TMEM59L: variants seen among roughly 807,000 people sequenced by gnomAD.
TMEM59L encodes transmembrane protein 59 like.
In TMEM59L, 31 loss-of-function variants were observed where a neutral mutation model predicts 39.6. The observed-to-expected ratio is 0.78, with a 90% CI of 0.59 to 1.06. The LOEUF (loss-of-function observed/expected upper bound fraction) is 1.06, where lower values mean the gene tolerates loss of function less well. Ranked by LOEUF, TMEM59L falls within the 50% of genes least tolerant of loss-of-function variation. The pLI is 0.00. For synonymous variants in TMEM59L, 219 were observed against 202.9 expected (o/e 1.08, Z -0.68); for missense variants, 441 against 451.3 (o/e 0.98, Z 0.21).
At chr19:18,614,251 C>T in intron 3 of TMEM59L, 56 bp downstream of exon 3, 2 of 1,519,472 alleles carry the variant, frequency 1.3e-6, no homozygotes, top group South Asian at 1.2e-5. Context: ...ACCCTCTTCA[C>T]CCCGTGGGAA....
rs1555763013 is a variant in TMEM59L at position 18,616,387 on chromosome 19, T to TTGTTG, written c.561+261_561+262insGTTGT. On this transcript the variant is annotated intron_variant, in intron 4 of 7. Transcript: ENST00000262817. The stretch of plus-strand genomic sequence containing the variant: ...TAGGTTACAAACGCTGTGGTTTTTT[T>TTGTTG]TTGTTGTTGTTGTTGTTGTTTTGAG... Among the ~76,000 whole-genome samples the TTGTTG allele has an allele frequency of 4.3e-3, 657 of 151,486 alleles. 3 individuals are homozygous for TTGTTG. Among genetic ancestry groups the TTGTTG allele is most frequent in the African/African-American group, 0.015 (607 of 41,266 alleles).
At chr19:18,613,555 C>T (rs1424559131) in intron 1 of TMEM59L, among the ~76,000 whole-genome samples, 1 of 152,010 alleles carries the variant, frequency 6.6e-6, no homozygotes, top group African/African-American at 2.4e-5. Context: ...AAAACCCCCT[C>T]CTCTGAGCCT....
At chr19:18,613,678 G>T (rs1214695304) in intron 1 of TMEM59L, among the ~76,000 whole-genome samples, 194 bp from the exon 2 acceptor site, 1 of 151,940 alleles carries the variant, frequency 6.6e-6, no homozygotes, top group Non-Finnish European at 1.5e-5. Context: ...CTCTTCTCAA[G>T]CTCCCTCCCC....
chr19:18,618,693 T>TA (rs1976461128), intron 7 of TMEM59L, among the ~76,000 whole-genome samples: 1 of 113,014 alleles, frequency 8.8e-6, no homozygotes. Flanking sequence ...ATATATAATA[T>TA]ATATATATAT....
At chr19:18,613,793 C>G in intron 1 of TMEM59L, 79 bp from the exon 2 acceptor site, 1 of 1,196,446 alleles carries the variant, frequency 8.4e-7, no homozygotes. Context: ...CTTTCCCTGC[C>G]TCTGCTGAAT....
chr19:18,617,697 C>T (rs1297324202), intron 5 of TMEM59L: 2 of 446,508 alleles, frequency 4.5e-6, no homozygotes, highest in Admixed American at 2.4e-5. Context: ...GGCCCATCCC[C>T]CAGGGTTCTG....
Position 18,613,887 on chromosome 19 carries a change from G to A in TMEM59L, c.187G>A (p.Ala63Thr). The change falls in exon 2 of 8, where the codon GCC becomes ACC. Residue 63 changes from alanine (A) to threonine (T), a missense_variant. By Grantham distance (58) the Ala-to-Thr change is moderately conservative. Transcript: ENST00000262817. Reference sequence around the variant, plus strand: ...CCTCCCCCAGGCGGGGCTGGAGGGCGCCTCCGAGTCTCCCTATGACAGAGC... The same window carrying A: ...CCTCCCCCAGGCGGGGCTGGAGGGCACCTCCGAGTCTCCCTATGACAGAGC... ...PQPSQAGLEGASESPYDRAVL... is the reference protein window; with the variant it reads ...PQPSQAGLEGTSESPYDRAVL... 6.2e-7 allele frequency: 1 copy of A among 1,611,594 alleles called. No homozygotes were observed. Among genetic ancestry groups the A allele is most frequent in the East Asian group, 2.2e-5 (1 of 44,842 alleles).
rs1243407265 is a variant in TMEM59L at position 18,614,151 on chromosome 19, C to T, written c.364C>T (p.His122Tyr). The T allele has an allele frequency of 6.2e-7, 1 of 1,609,708 alleles. No homozygotes were observed. Among genetic ancestry groups the T allele is most frequent in the Admixed American group, 1.7e-5 (1 of 59,632 alleles). Residue 122 changes from histidine (H) to tyrosine (Y), a missense_variant, in exon 3 of 8, where the codon CAC (histidine) becomes TAC (tyrosine). Physicochemically the swap from His to Tyr is moderately conservative, Grantham distance 83 (BLOSUM62 2). Coordinates refer to ENST00000262817, the MANE Select transcript of TMEM59L (RefSeq NM_012109.3). ...VKEAEQQACSHGCWSQPAEPE... is the reference protein window; with the variant it reads ...VKEAEQQACSYGCWSQPAEPE... ...GGAGGCAGAGCAGCAGGCCTGTAGC[C>T]ACGGCTGCTGGAGCCAGCCCGCGGA...
rs1262400877 is a variant in TMEM59L, at chr19:18,617,030, C to T, written c.592C>T (p.Gln198Ter). 2 of 1,612,684 alleles carry T rather than the reference C, an allele frequency of 1.2e-6. No individual in the cohort carries two copies. The highest frequency in any genetic ancestry group is 2.2e-5 in the East Asian group (1 of 44,878). The change falls in exon 5 of 8, where the codon CAG (glutamine) becomes TAG (stop). Residue 198 changes from glutamine (Q) to a stop codon, truncating the protein, a stop_gained. Transcript: ENST00000262817. LOFTEE classifies it high-confidence loss of function. ...TQPIVESLGF[Q>*]GGRLQRVEVT... ...GCCCATAGTGGAGAGCCTCGGCTTC[C>T]AGGGGGGCCGTCTGCAGCGCGTGGA...
At chr19:18,615,267 G>A (rs1976415499) in intron 3 of TMEM59L, among the ~76,000 whole-genome samples, 1 of 152,202 alleles carries the variant, frequency 6.6e-6, no homozygotes, top group African/African-American at 2.4e-5. Flanking sequence ...ACAGGCATGA[G>A]CCACCATGGC....
At chr19:18,615,667 G>A (rs1468042247) in intron 3 of TMEM59L, among the ~76,000 whole-genome samples, 4 of 152,182 alleles carry the variant, frequency 2.6e-5, no homozygotes, top group African/African-American at 9.7e-5. Context: ...GAGTTCAGTG[G>A]TGTGATCTTG....
chr19:18,618,451 TC>T lies in TMEM59L; in HGVS notation c.861del (p.Thr288ProfsTer3), dbSNP rs753841920. ...GCTGGTGATGCTGTGGCTGAGCTGC[TC>T]CACCCTGGTGACCGCGCCTGGCCAG... ...SVLVMLWLSC[S>X]TLVTAPGQHL... On this transcript the variant is annotated frameshift_variant, in exon 7 of 8. Transcript: ENST00000262817. LOFTEE classifies it high-confidence loss of function. 3.1e-6 allele frequency: 5 copies of T among 1,607,618 alleles called. No homozygotes were observed. Among genetic ancestry groups the T allele is most frequent in the Non-Finnish European group, 4.2e-6 (5 of 1,178,920 alleles).
intron 7 of TMEM59L, among the ~76,000 whole-genome samples, 179 bp downstream of exon 7, chr19:18,618,671 G>A (rs548694950): frequency 0.021 from 851 of 39,922 alleles, 5 homozygotes; most frequent in African/African-American, 0.052. Context: ...GTGTGTGTGT[G>A]TGTATATATA....
chr19:18,614,812 G>A (rs1976410721), intron 3 of TMEM59L, among the ~76,000 whole-genome samples: 1 of 152,208 alleles, frequency 6.6e-6, no homozygotes, highest in African/African-American at 2.4e-5. Flanking sequence ...TGCATCATGG[G>A]GAAACTGAGG....
Position 18,613,974 on chromosome 19 carries a change from A to G in TMEM59L, c.274A>G (p.Arg92Gly), listed in dbSNP as rs988473039. The G allele has an allele frequency of 3.1e-6, 5 of 1,613,402 alleles. No individual in the cohort carries two copies. Among genetic ancestry groups the G allele is most frequent in the Non-Finnish European group, 4.2e-6 (5 of 1,180,026 alleles). Residue 92 changes from arginine (R) to glycine (G), a missense_variant, in exon 2 of 8, where the codon AGA (arginine) becomes GGA (glycine). By Grantham distance (125) the Arg-to-Gly change is moderately radical. Transcript: ENST00000262817. The part of the protein sequence containing the change: ...RLFSICRFVA[R>G]SSKPNATQTE... Reference sequence around the variant, plus strand: ...CTTCTCCATCTGCCGATTTGTGGCCAGAAGCTCCAAGCCCAATGCCACCCA... The same window carrying G: ...CTTCTCCATCTGCCGATTTGTGGCCGGAAGCTCCAAGCCCAATGCCACCCA...
Position 18,620,851 on chromosome 19 carries a change from T to G in TMEM59L, c.*315T>G. On this transcript the variant is annotated 3_prime_UTR_variant, in exon 8 of 8. Transcript: ENST00000262817. ...TGTCACCTTCCTTTTTCCTTCTATG[T>G]CCCCTCTCTGCGGGGGGGGCGCTGA... 7.7e-6 allele frequency: 1 copy of G among 129,546 alleles called. No individual in the cohort carries two copies. Among genetic ancestry groups the G allele is most frequent in the African/African-American group, 7.2e-5 (1 of 13,934 alleles). The allele number at this position is 129,546 out of a possible 1,614,324, so 8.0% of individuals were successfully genotyped here. A position where few individuals can be genotyped will look rare whatever the true frequency, so the allele number is the denominator to read the frequency against.
intron 3 of TMEM59L, among the ~76,000 whole-genome samples, chr19:18,615,666 G>C (rs61298336): frequency 0.17 from 25,604 of 152,198 alleles, 2,414 homozygotes; most frequent in Non-Finnish European, 0.21. Context: ...AGAGTTCAGT[G>C]GTGTGATCTT....
chr19:18,619,250 A>T (rs958487112), intron 7 of TMEM59L, among the ~76,000 whole-genome samples: 1 of 152,258 alleles, frequency 6.6e-6, no homozygotes, highest in African/African-American at 2.4e-5. Context: ...GCCCTCCCAG[A>T]ATACCGGGAT....
chr19:18,620,654 T>G lies in TMEM59L; in HGVS notation c.*118T>G. 1.2e-5 allele frequency: 16 copies of G among 1,365,194 alleles called. No individual in the cohort carries two copies. Among genetic ancestry groups the G allele is most frequent in the African/African-American group, 1.5e-5 (1 of 68,560 alleles). 84.6% of individuals were successfully genotyped at this position (1,365,194 alleles called of 1,614,324 possible). A position where few individuals can be genotyped will look rare whatever the true frequency, so the allele number is the denominator to read the frequency against. ...CTTGAGCCCCTCCACCCCCAAATCC[T>G]TCCTCTCCTCCCAGTCCCACCCCTT... On this transcript the variant is annotated 3_prime_UTR_variant, in exon 8 of 8. Coordinates refer to ENST00000262817, the MANE Select transcript of TMEM59L (RefSeq NM_012109.3).
Sources: allele counts gnomAD v4.1 joint callset (sites outside exome capture counted in the v4.1 genomes callset), GRCh38; gene constraint gnomAD v4.1.1; transcripts MANE v1.5; gene names NCBI Gene and HGNC (gene_info 2026-07-23, HGNC 2026-07-21).